GNA14: variants seen among roughly 807,000 people sequenced by gnomAD.
The protein encoded by GNA14 is G protein subunit alpha 14.
A neutral mutation model predicts 42.0 loss-of-function variants in GNA14; 50 were observed. The observed-to-expected ratio is 1.19, with a 90% CI of 0.95 to 1.51. The LOEUF is 1.51. GNA14 is among the 40% of genes most tolerant of loss of function. The probability of loss-of-function intolerance (pLI) is 0.00; values close to 1 mark genes in which losing one functional copy is unlikely to be tolerated. For synonymous variants in GNA14, 173 were observed against 163.1 expected, an observed-to-expected ratio of 1.06 and a Z score of -0.46; for missense variants, 473 against 446.2, an observed-to-expected ratio of 1.06 and a Z score of -0.54.
chr9:77,538,110 G>C (rs1269684084), intron 1 of GNA14, among the ~76,000 whole-genome samples: 1 of 136,580 alleles, frequency 7.3e-6, no homozygotes, highest in Admixed American at 7.7e-5. Context: ...TCATTCTGTT[G>C]CCCAGCCCAG....
intron 1 of GNA14, among the ~76,000 whole-genome samples, chr9:77,544,647 A>G (rs1396996401): frequency 8.2e-5 from 12 of 146,974 alleles, no homozygotes; most frequent in Non-Finnish European, 3.0e-5. Context: ...GGTTGTAGTG[A>G]GCCAAGATCA....
intron 1 of GNA14, among the ~76,000 whole-genome samples, chr9:77,564,917 G>A (rs1231800631): frequency 6.6e-6 from 1 of 151,932 alleles, no homozygotes; most frequent in East Asian, 1.9e-4. Flanking sequence ...GTTCTTCCAG[G>A]ACTCATTCTG....
chr9:77,618,603 TATATATATATA>T (rs1273473816), intron 1 of GNA14, among the ~76,000 whole-genome samples: 27 of 12,260 alleles, frequency 2.2e-3, no homozygotes, highest in Non-Finnish European at 4.7e-3. Flanking sequence ...TATATATATA[TATATATATATA>T]TATATATTTT....
chr9:77,534,960 C>T (rs540453397), intron 1 of GNA14, among the ~76,000 whole-genome samples: 1 of 152,200 alleles, frequency 6.6e-6, no homozygotes, highest in Admixed American at 6.5e-5. Flanking sequence ...AGTGAGCAGG[C>T]GCTCTGATGA....
chr9:77,517,889 G>C (rs980388959), intron 2 of GNA14: 1 of 151,980 alleles, frequency 6.6e-6, no homozygotes, highest in African/African-American at 2.4e-5. Flanking sequence ...ACAAGTGTGA[G>C]CCACCATGCC....
chr9:77,475,773 C>G (rs897867628), intron 2 of GNA14, among the ~76,000 whole-genome samples: 4 of 152,182 alleles, frequency 2.6e-5, no homozygotes, highest in Admixed American at 2.0e-4. Context: ...CCCCGTGCAC[C>G]TAGGAGAGCA....
At chr9:77,452,609 A>G (rs116645403) in intron 2 of GNA14, among the ~76,000 whole-genome samples, 84 of 1,038 alleles carry the variant, frequency 0.081, 11 homozygotes, top group Admixed American at 0.13. Context: ...GTGTATGTGT[A>G]TGTGTGTGTA....
intron 1 of GNA14, among the ~76,000 whole-genome samples, chr9:77,536,106 T>C (rs529119520): frequency 2.8e-3 from 419 of 152,096 alleles, no homozygotes; most frequent in Non-Finnish European, 4.8e-3. Context: ...ATAGAGGAGG[T>C]GCTATTTTTC....
At chr9:77,559,826 C>T (rs935040667) in intron 1 of GNA14, among the ~76,000 whole-genome samples, 1 of 152,204 alleles carries the variant, frequency 6.6e-6, no homozygotes, top group Non-Finnish European at 1.5e-5. Context: ...GAGGTGCAGT[C>T]ATGGCTTAAT....
At chr9:77,427,235 C>T (rs781577702) in intron 5 of GNA14, among the ~76,000 whole-genome samples, 2 of 151,810 alleles carry the variant, frequency 1.3e-5, no homozygotes, top group Non-Finnish European at 2.9e-5. Flanking sequence ...CCTTACTAAT[C>T]GTTTGAGTTT....
In GNA14 at chr9:77,647,820, G is replaced by A. The variant is rs1320068477; in HGVS notation, c.-27C>T. 6.3e-7 allele frequency: 1 copy of A among 1,598,054 alleles called. No homozygotes were observed. Among genetic ancestry groups the A allele is most frequent in the Non-Finnish European group, 8.5e-7 (1 of 1,175,388 alleles). ...GTGCGCTCAGCTCAGTACCCGACGG[G>A]GCGACGCGGCCCCGGGCACCCGAAT... On this transcript the variant is annotated 5_prime_UTR_variant, in exon 1 of 7. Coordinates refer to ENST00000341700, the MANE Select transcript of GNA14 (RefSeq NM_004297.4).
intron 2 of GNA14, among the ~76,000 whole-genome samples, chr9:77,488,575 C>G (rs1442180394): frequency 2.0e-5 from 3 of 152,052 alleles, no homozygotes; most frequent in African/African-American, 4.8e-5. Context: ...GTCCTCTGGG[C>G]ACAAACACCT....
intron 1 of GNA14, among the ~76,000 whole-genome samples, chr9:77,630,271 C>A (rs1044709636): frequency 6.6e-6 from 1 of 152,006 alleles, no homozygotes; most frequent in African/African-American, 2.4e-5. Context: ...ATGTGTGCTA[C>A]CATGCCCAGC....
chr9:77,447,405 C>A (rs1298332563), intron 2 of GNA14, among the ~76,000 whole-genome samples: 6 of 152,236 alleles, frequency 3.9e-5, no homozygotes, highest in Non-Finnish European at 8.8e-5. Flanking sequence ...AAGACCTCCT[C>A]GTTCCTCTCT....
chr9:77,642,561 T>A (rs1824283878), intron 1 of GNA14, among the ~76,000 whole-genome samples: 1 of 150,848 alleles, frequency 6.6e-6, no homozygotes, highest in Admixed American at 6.6e-5. Context: ...AGGTCAGGAG[T>A]TTGAGACCAG....
At chr9:77,594,102 G>A (rs1302160653) in intron 1 of GNA14, among the ~76,000 whole-genome samples, 1 of 152,226 alleles carries the variant, frequency 6.6e-6, no homozygotes, top group Non-Finnish European at 1.5e-5. Context: ...GCAGGGAGGG[G>A]TGAAACTCCA....
chr9:77,430,144 T>C (rs1223679169), intron 4 of GNA14, among the ~76,000 whole-genome samples: 9 of 152,254 alleles, frequency 5.9e-5, no homozygotes, highest in Non-Finnish European at 1.2e-4. Context: ...AAACAGGACA[T>C]TGCAATTGTC....
At chr9:77,471,126 T>C (rs1057043237) in intron 2 of GNA14, among the ~76,000 whole-genome samples, 6 of 152,142 alleles carry the variant, frequency 3.9e-5, no homozygotes, top group African/African-American at 9.7e-5. Flanking sequence ...AGCAAAGATC[T>C]GGGAGTAAGA....
At chr9:77,563,246 A>G (rs1822912361) in intron 1 of GNA14, among the ~76,000 whole-genome samples, 2 of 152,152 alleles carry the variant, frequency 1.3e-5, no homozygotes, top group Admixed American at 6.5e-5. Context: ...TTCTCTTCAG[A>G]GCTCATGCTG....
Sources: gnomAD v4.1 joint callset for allele counts (sites outside exome capture counted in the v4.1 genomes callset) on GRCh38, gnomAD v4.1.1 for gene constraint, MANE v1.5 for transcripts, NCBI Gene and HGNC (gene_info 2026-07-23, HGNC 2026-07-21) for gene names.